Variants in SEMA6D observed in about 807,000 individuals in gnomAD.
SEMA6D encodes the protein semaphorin 6D, also known as semaphorin-6D.
In SEMA6D, 35 loss-of-function variants were observed where a neutral mutation model predicts 106.6. That is an observed-to-expected ratio of 0.33 (90% confidence interval 0.25 to 0.44). The LOEUF is 0.44. Ranked by LOEUF, SEMA6D falls within the 20% of genes least tolerant of loss-of-function variation. SEMA6D has a pLI of 1.00. For synonymous variants in SEMA6D, 499 were observed against 487.7 expected (o/e 1.02, Z -0.31); for missense variants, 1,185 against 1,345.9 (o/e 0.88, Z 1.87).
intron 3 of SEMA6D, among the ~76,000 whole-genome samples, chr15:47,551,671 C>CTTTGTGTG (rs1254929717): frequency 2.4e-3 from 10 of 4,242 alleles, no homozygotes; most frequent in African/African-American, 6.0e-3. Context: ...ACATCTGGGA[C>CTTTGTGTG]TCTGTGTGTG....
chr15:47,569,507 G>A (rs1198318756), intron 3 of SEMA6D, among the ~76,000 whole-genome samples: 1 of 152,100 alleles, frequency 6.6e-6, no homozygotes, highest in Non-Finnish European at 1.5e-5. Flanking sequence ...AGCAGTGAGA[G>A]AACAGCTACT....
chr15:47,578,659 T>C (rs955605347), intron 3 of SEMA6D, among the ~76,000 whole-genome samples: 13 of 152,228 alleles, frequency 8.5e-5, no homozygotes, highest in African/African-American at 3.1e-4. Flanking sequence ...ATATGCCACC[T>C]ATATGGCACA....
intron 1 of SEMA6D, among the ~76,000 whole-genome samples, chr15:47,215,868 T>C (rs62017400): frequency 0.012 from 1,853 of 152,296 alleles, 42 homozygotes; most frequent in Admixed American, 0.012. Context: ...TGTGAAGTAC[T>C]GTGACAGAGA....
rs77938158 is a variant in SEMA6D, at chr15:47,469,155, A to C, written c.-158-1319A>C. 4.2e-3 allele frequency among the ~76,000 whole-genome samples: 646 copies of C among 152,326 alleles called. 6 individuals carry two copies. The highest frequency in any genetic ancestry group is 0.015 in the African/African-American group (624 of 41,574). On this transcript the variant is annotated intron_variant, in intron 2 of 19. Coordinates refer to the SEMA6D transcript ENST00000558014. ...ATCACTGACATGATTGAGAATTATCAGTGCAAGGTGATGATAAAAAGCAAA... is the reference window on the plus strand; with the variant it reads ...ATCACTGACATGATTGAGAATTATCCGTGCAAGGTGATGATAAAAAGCAAA...
chr15:47,328,148 CA>C (rs2037205726), intron 1 of SEMA6D, among the ~76,000 whole-genome samples: 1 of 152,082 alleles, frequency 6.6e-6, no homozygotes, highest in Non-Finnish European at 1.5e-5. Context: ...GTAATTCAGG[CA>C]CAAAGACAAA....
intron 1 of SEMA6D, among the ~76,000 whole-genome samples, chr15:47,184,751 C>T (rs1319539648): frequency 2.0e-5 from 3 of 152,202 alleles, no homozygotes; most frequent in Admixed American, 1.3e-4. Context: ...CCACCTCTTG[C>T]CCCCACCCCA....
chr15:47,535,382 C>G (rs753756385), intron 3 of SEMA6D, among the ~76,000 whole-genome samples: 8 of 152,036 alleles, frequency 5.3e-5, no homozygotes, highest in Non-Finnish European at 1.0e-4. Context: ...TAGGAAGAGG[C>G]AAAGAGATAT....
chr15:47,369,792 C>T (rs1300497002), intron 1 of SEMA6D, among the ~76,000 whole-genome samples: 1 of 152,198 alleles, frequency 6.6e-6, no homozygotes, highest in Non-Finnish European at 1.5e-5. Context: ...AGATAATCTA[C>T]ATACAATGAG....
intron 3 of SEMA6D, among the ~76,000 whole-genome samples, chr15:47,583,688 C>T (rs549137594): frequency 4.6e-5 from 7 of 152,196 alleles, no homozygotes; most frequent in South Asian, 4.2e-4. Context: ...AGTGATGGCC[C>T]GCAGAGAGCA....
At chr15:47,609,148 G>A (rs188735627) in intron 4 of SEMA6D, among the ~76,000 whole-genome samples, 31 of 152,252 alleles carry the variant, frequency 2.0e-4, no homozygotes, top group African/African-American at 6.7e-4. Context: ...GCCATAACAC[G>A]GATTGTGTAA....
chr15:47,207,340 A>G (rs922775404), intron 1 of SEMA6D, among the ~76,000 whole-genome samples: 2 of 152,228 alleles, frequency 1.3e-5, no homozygotes, highest in South Asian at 2.1e-4. Flanking sequence ...CCCTCCTGCT[A>G]TATCTCCCAT....
At chr15:47,655,883 T>A (rs139641835) in intron 4 of SEMA6D, among the ~76,000 whole-genome samples, 1,545 of 152,356 alleles carry the variant, frequency 0.01, 16 homozygotes, top group South Asian at 0.045. Flanking sequence ...ATTTCTGGAT[T>A]TGCACAAAGT....
chr15:47,518,240 G>A (rs1340213952), intron 3 of SEMA6D, among the ~76,000 whole-genome samples: 1 of 152,224 alleles, frequency 6.6e-6, no homozygotes, highest in Non-Finnish European at 1.5e-5. Flanking sequence ...ACAGAAGGGA[G>A]TGAGAGACAG....
intron 4 of SEMA6D, among the ~76,000 whole-genome samples, chr15:47,666,039 G>A (rs2078020586): frequency 6.6e-6 from 1 of 152,196 alleles, no homozygotes; most frequent in Non-Finnish European, 1.5e-5. Flanking sequence ...CTATCCTAAA[G>A]TTAGATGCTT....
chr15:47,387,119 G>T (rs1450292066), intron 1 of SEMA6D, among the ~76,000 whole-genome samples: 1 of 152,164 alleles, frequency 6.6e-6, no homozygotes, highest in African/African-American at 2.4e-5. Context: ...ATCCCCAGAG[G>T]TAAGTTGCCT....
intron 3 of SEMA6D, among the ~76,000 whole-genome samples, chr15:47,555,040 C>G (rs914239111): frequency 6.6e-6 from 1 of 152,118 alleles, no homozygotes; most frequent in African/African-American, 2.4e-5. Context: ...CAAGCAGGCC[C>G]GCTTCAAATA....
intron 1 of SEMA6D, among the ~76,000 whole-genome samples, chr15:47,204,932 G>C (rs1894957606): frequency 6.6e-6 from 1 of 152,048 alleles, no homozygotes; most frequent in Admixed American, 6.6e-5. Context: ...AGAAAACCTT[G>C]GGGGGAGAAG....
intron 3 of SEMA6D, among the ~76,000 whole-genome samples, chr15:47,586,110 A>T (rs1351158972): frequency 6.6e-6 from 1 of 152,050 alleles, no homozygotes; most frequent in Admixed American, 6.5e-5. Flanking sequence ...ACAATTAAAT[A>T]ATAAGAGACA....
intron 2 of SEMA6D, among the ~76,000 whole-genome samples, chr15:47,429,375 T>C (rs1257372873): frequency 2.0e-5 from 3 of 152,174 alleles, no homozygotes; most frequent in Non-Finnish European, 4.4e-5. Flanking sequence ...GTTAGGCAGC[T>C]GTGAGATAAC....
Sources: allele counts gnomAD v4.1 joint callset (sites outside exome capture counted in the v4.1 genomes callset), GRCh38; gene constraint gnomAD v4.1.1; transcripts MANE v1.5; gene names NCBI Gene and HGNC (gene_info 2026-07-23, HGNC 2026-07-21).